GALNT13: variants seen among roughly 807,000 people sequenced by gnomAD.
GALNT13 encodes the protein polypeptide N-acetylgalactosaminyltransferase 13, also known as UDP-GalNAc:polypeptide N-acetylgalactosaminyltransferase 13.
GALNT13 carries 28 observed loss-of-function variants against 64.2 expected under a neutral mutation model. That is an observed-to-expected ratio of 0.44 (90% CI 0.32 to 0.60). The LOEUF is 0.60. Ranked by LOEUF, GALNT13 falls within the 20% of genes least tolerant of loss-of-function variation. GALNT13 has a pLI of 0.05. For synonymous variants in GALNT13, 214 were observed against 224.6 expected (o/e 0.95, Z 0.42); for missense variants, 577 against 669.8 (o/e 0.86, Z 1.53).
chr2:153,715,227 T>C, the GALNT13 span, among the ~76,000 whole-genome samples: 7 of 152,356 alleles, frequency 4.6e-5, no homozygotes, highest in East Asian at 1.2e-3. Flanking sequence ...TTAGGGCTAA[T>C]TGTAATCAGG....
the GALNT13 span, among the ~76,000 whole-genome samples, chr2:153,339,311 T>G: frequency 6.6e-6 from 1 of 152,218 alleles, no homozygotes; most frequent in South Asian, 2.1e-4. Flanking sequence ...ATAGCCGTTC[T>G]AACAAAATGA....
chr2:153,361,917 C>A, the GALNT13 span, among the ~76,000 whole-genome samples: 1 of 152,054 alleles, frequency 6.6e-6, no homozygotes, highest in Non-Finnish European at 1.5e-5. Flanking sequence ...GACACATAAT[C>A]GTCAGATTGT....
chr2:153,285,731 T>C, the GALNT13 span, among the ~76,000 whole-genome samples: 3 of 152,072 alleles, frequency 2.0e-5, no homozygotes, highest in Non-Finnish European at 4.4e-5. Context: ...ATGAGAGTTA[T>C]TGAAGAACAT....
chr2:153,713,977 T>C, the GALNT13 span, among the ~76,000 whole-genome samples: 2 of 152,258 alleles, frequency 1.3e-5, no homozygotes, highest in South Asian at 2.1e-4. Context: ...CCACTTTCTC[T>C]AGCAATGAAT....
At chr2:154,005,242 T>C (rs1331717943) in intron 3 of GALNT13, among the ~76,000 whole-genome samples, 5 of 152,194 alleles carry the variant, frequency 3.3e-5, no homozygotes, top group Non-Finnish European at 7.3e-5. Flanking sequence ...CAAGCAATAA[T>C]TACCTTACTT....
chr2:154,255,247 G>A (rs562441743), intron 7 of GALNT13, among the ~76,000 whole-genome samples: 2 of 152,236 alleles, frequency 1.3e-5, no homozygotes, highest in East Asian at 1.9e-4. Flanking sequence ...AATCAATGGG[G>A]ACCTTTCAGA....
chr2:154,299,695 C>G (rs2105089913), intron 8 of GALNT13, among the ~76,000 whole-genome samples: 1 of 151,734 alleles, frequency 6.6e-6, no homozygotes, highest in South Asian at 2.1e-4. Flanking sequence ...GATCTCTTGA[C>G]CTCGTGATCC....
chr2:153,510,870 G>A, the GALNT13 span, among the ~76,000 whole-genome samples: 1 of 151,896 alleles, frequency 6.6e-6, no homozygotes, highest in East Asian at 2.0e-4. Flanking sequence ...AATGTTTCTA[G>A]AAGGAAAGAG....
chr2:154,251,716 A>G (rs937988022), intron 7 of GALNT13, among the ~76,000 whole-genome samples: 1 of 152,236 alleles, frequency 6.6e-6, no homozygotes, highest in Non-Finnish European at 1.5e-5. Flanking sequence ...CATTTTTATC[A>G]GTAAAAACTT....
At position 154,040,492 on chromosome 2, in the gene GALNT13, G is replaced by T. The variant is rs1698911547; in HGVS notation, c.142+95853G>T. Among the ~76,000 whole-genome samples, 3 of 140,528 alleles carry T rather than the reference G, an allele frequency of 2.1e-5. 1 individual carries two copies. Among genetic ancestry groups the T allele is most frequent in the Admixed American group, 7.1e-5 (1 of 14,018 alleles). The allele number at this position is 140,528 out of a possible 152,430, so 92.2% of individuals were successfully genotyped here. On this transcript the variant is annotated intron_variant, in intron 3 of 12. Coordinates refer to ENST00000392825, the MANE Select transcript of GALNT13 (RefSeq NM_052917.4). ...ATTTTTTCCCCTCAACACATCAGCT[G>T]TATGATTATGGATAGGTTTTTAACC...
At chr2:153,824,068 CATT>C in the GALNT13 span, among the ~76,000 whole-genome samples, 3 of 152,048 alleles carry the variant, frequency 2.0e-5, no homozygotes, top group African/African-American at 4.8e-5. Context: ...CACAATGAGA[CATT>C]ATCTGAAACC....
chr2:153,791,916 G>T, the GALNT13 span, among the ~76,000 whole-genome samples: 8 of 152,092 alleles, frequency 5.3e-5, no homozygotes, highest in African/African-American at 1.9e-4. Flanking sequence ...ATACTTGAGG[G>T]TGGAAGGTGG....
At chr2:154,332,905 AAC>A (rs1479043085) in intron 9 of GALNT13, among the ~76,000 whole-genome samples, 2 of 151,782 alleles carry the variant, frequency 1.3e-5, no homozygotes, top group African/African-American at 4.8e-5. Flanking sequence ...TTGTCGTAGA[AAC>A]ACAAAAAACC....
intron 3 of GALNT13, among the ~76,000 whole-genome samples, chr2:154,037,567 G>C (rs1698733800): frequency 1.3e-5 from 2 of 152,088 alleles, no homozygotes; most frequent in South Asian, 4.1e-4. Flanking sequence ...AAGTCAAATT[G>C]TACCTTTTTG....
intron 4 of GALNT13, among the ~76,000 whole-genome samples, chr2:154,188,266 C>A (rs960926718): frequency 1.3e-5 from 2 of 152,036 alleles, no homozygotes; most frequent in African/African-American, 2.4e-5. Flanking sequence ...GCAGTCCCTG[C>A]TTGAACTATA....
At chr2:153,652,349 G>A in the GALNT13 span, among the ~76,000 whole-genome samples, 1 of 152,058 alleles carries the variant, frequency 6.6e-6, no homozygotes, top group South Asian at 2.1e-4. Context: ...GGCTGCAGAC[G>A]GTGACTCATG....
chr2:154,194,415 C>T (rs1460026518), intron 4 of GALNT13, among the ~76,000 whole-genome samples: 1 of 152,034 alleles, frequency 6.6e-6, no homozygotes, highest in Non-Finnish European at 1.5e-5. Flanking sequence ...AAGAAGAGCC[C>T]ACCGGGTTGA....
intron 11 of GALNT13, among the ~76,000 whole-genome samples, chr2:154,420,200 T>C (rs1700190388): frequency 6.6e-6 from 1 of 152,016 alleles, no homozygotes; most frequent in Admixed American, 6.6e-5. Context: ...TTACTGAAAA[T>C]GGGAATCTGT....
intron 3 of GALNT13, among the ~76,000 whole-genome samples, chr2:153,949,237 C>T (rs1691995700): frequency 6.6e-6 from 1 of 152,224 alleles, no homozygotes; most frequent in Non-Finnish European, 1.5e-5. Context: ...CCTAGTGATG[C>T]ACTTCTCAGA....
Sources: gnomAD v4.1 joint callset for allele counts (sites outside exome capture counted in the v4.1 genomes callset) on GRCh38, gnomAD v4.1.1 for gene constraint, MANE v1.5 for transcripts, NCBI Gene and HGNC (gene_info 2026-07-23, HGNC 2026-07-21) for gene names.